DRC11: variants seen among roughly 807,000 people sequenced by gnomAD.
DRC11 encodes dynein regulatory complex subunit 11.
At chr2:236,332,768 G>A in the DRC11 span, 3 of 152,190 alleles carry the variant, frequency 2.0e-5, no homozygotes, top group African/African-American at 7.2e-5. The surrounding 1 kb of genome is among the most constrained non-coding windows in gnomAD (Gnocchi z 5.1). Context: ...TTTGGGCCAC[G>A]AGCTATTGCA....
the DRC11 span, among the ~76,000 whole-genome samples, chr2:236,432,622 T>G: frequency 1.3e-5 from 2 of 152,188 alleles, no homozygotes; most frequent in Admixed American, 1.3e-4. Flanking sequence ...CTTTTTCTTG[T>G]AGAGCTGTAG....
the DRC11 span, among the ~76,000 whole-genome samples, chr2:236,385,173 A>T: frequency 1.3e-5 from 2 of 151,464 alleles, no homozygotes; most frequent in Non-Finnish European, 1.5e-5. Context: ...TGAACTTTAA[A>T]GTAGTTTTTT....
chr2:236,427,964 A>T, the DRC11 span, among the ~76,000 whole-genome samples: 1 of 152,030 alleles, frequency 6.6e-6, no homozygotes, highest in African/African-American at 2.4e-5. This position sits in a 1 kb window ranked among gnomAD's most constrained non-coding sequence, Gnocchi z 5.9. Flanking sequence ...ACATTTTAAA[A>T]TTTGCCTTTA....
At chr2:236,331,648 A>C in the DRC11 span, 2 of 1,369,434 alleles carry the variant, frequency 1.5e-6, no homozygotes, top group African/African-American at 2.9e-5. This position sits in a 1 kb window ranked among gnomAD's most constrained non-coding sequence, Gnocchi z 4.8. Flanking sequence ...CAGAGAAATC[A>C]GTGCCAGTTT....
At chr2:236,460,376 G>A in the DRC11 span, among the ~76,000 whole-genome samples, 2 of 152,146 alleles carry the variant, frequency 1.3e-5, no homozygotes, top group African/African-American at 4.8e-5. This position sits in a 1 kb window ranked among gnomAD's most constrained non-coding sequence, Gnocchi z 4.0. Flanking sequence ...ATGATATCCA[G>A]AGCTGCTCCT....
the DRC11 span, among the ~76,000 whole-genome samples, chr2:236,456,116 T>A: frequency 6.6e-6 from 1 of 152,186 alleles, no homozygotes; most frequent in African/African-American, 2.4e-5. The surrounding 1 kb of genome is among the most constrained non-coding windows in gnomAD (Gnocchi z 5.4). Flanking sequence ...ATGGGAAACA[T>A]CCAAATTGCA....
the DRC11 span, among the ~76,000 whole-genome samples, chr2:236,464,354 C>A: frequency 1.3e-5 from 2 of 152,064 alleles, no homozygotes; most frequent in Non-Finnish European, 1.5e-5. Context: ...GATGCAATAC[C>A]CCATCAAGAA....
chr2:236,383,675 T>TA, the DRC11 span, among the ~76,000 whole-genome samples: 1 of 151,198 alleles, frequency 6.6e-6, no homozygotes, highest in African/African-American at 2.4e-5. Context: ...ACTTTTTTTT[T>TA]TATTATACTT....
chr2:236,333,033 A>C, the DRC11 span: 1 of 152,202 alleles, frequency 6.6e-6, no homozygotes, highest in Non-Finnish European at 1.5e-5. The surrounding 1 kb of genome is among the most constrained non-coding windows in gnomAD (Gnocchi z 6.0). Context: ...GCCCCAAACT[A>C]GTCTTATCCG....
At chr2:236,408,133 T>C in the DRC11 span, 1,269 of 673,252 alleles carry the variant, frequency 1.9e-3, 12 homozygotes, top group African/African-American at 0.02. This position sits in a 1 kb window ranked among gnomAD's most constrained non-coding sequence, Gnocchi z 5.5. Context: ...AGAGTTGATA[T>C]TCTTGTCAGG....
the DRC11 span, among the ~76,000 whole-genome samples, chr2:236,350,616 A>C: frequency 6.6e-6 from 1 of 152,250 alleles, no homozygotes; most frequent in African/African-American, 2.4e-5. The surrounding 1 kb of genome is among the most constrained non-coding windows in gnomAD (Gnocchi z 5.2). Flanking sequence ...TGGCTCAGCA[A>C]CTGGTAAGTG....
the DRC11 span, among the ~76,000 whole-genome samples, chr2:236,338,560 C>T: frequency 3.3e-5 from 5 of 152,082 alleles, no homozygotes. Flanking sequence ...CCAGTATGAC[C>T]CAGTGGATTT....
At chr2:236,375,302 A>G in the DRC11 span, among the ~76,000 whole-genome samples, 1 of 152,170 alleles carries the variant, frequency 6.6e-6, no homozygotes, top group Admixed American at 6.5e-5. The surrounding 1 kb of genome is among the most constrained non-coding windows in gnomAD (Gnocchi z 4.2). Context: ...TGAGAAATTA[A>G]TAATTAGTTG....
At chr2:236,488,356 G>A in the DRC11 span, among the ~76,000 whole-genome samples, 1 of 152,178 alleles carries the variant, frequency 6.6e-6, no homozygotes, top group Non-Finnish European at 1.5e-5. Context: ...AGTGAATGAT[G>A]TATATTTTGA....
the DRC11 span, among the ~76,000 whole-genome samples, chr2:236,459,500 TGTATAC>T: frequency 3.9e-5 from 4 of 103,134 alleles, no homozygotes; most frequent in Middle Eastern, 0.011. Context: ...TACGTATATA[TGTATAC>T]GTATACGTAT....
At chr2:236,492,286 G>A in the DRC11 span, among the ~76,000 whole-genome samples, 3 of 152,310 alleles carry the variant, frequency 2.0e-5, no homozygotes, top group Non-Finnish European at 2.9e-5. Context: ...CCATTTTGAT[G>A]AGCAGGTATG....
the DRC11 span, among the ~76,000 whole-genome samples, chr2:236,371,534 G>T: frequency 6.6e-6 from 1 of 152,112 alleles, no homozygotes; most frequent in Non-Finnish European, 1.5e-5. The surrounding 1 kb of genome is among the most constrained non-coding windows in gnomAD (Gnocchi z 5.1). Context: ...GTACCCCTAA[G>T]GTAGGAAGTC....
chr2:236,311,697 CGTGTGTGTGT>C, the DRC11 span, among the ~76,000 whole-genome samples: 23 of 138,796 alleles, frequency 1.7e-4, no homozygotes, highest in East Asian at 4.3e-4. This position sits in a 1 kb window ranked among gnomAD's most constrained non-coding sequence, Gnocchi z 6.9. Flanking sequence ...GGATGGGGTG[CGTGTGTGTGT>C]GTGTGTGTGT....
the DRC11 span, among the ~76,000 whole-genome samples, chr2:236,426,041 T>C: frequency 6.6e-6 from 1 of 152,050 alleles, no homozygotes; most frequent in East Asian, 1.9e-4. The surrounding 1 kb of genome is among the most constrained non-coding windows in gnomAD (Gnocchi z 4.1). Flanking sequence ...TGTAGCTTTG[T>C]AATATATTTG....
Sources: allele counts gnomAD v4.1 joint callset (sites outside exome capture counted in the v4.1 genomes callset), GRCh38; gene constraint gnomAD v4.1.1; non-coding constraint Gnocchi (gnomAD v3.1); transcripts MANE v1.5; gene names NCBI Gene and HGNC (gene_info 2026-07-23, HGNC 2026-07-21).